Variants in SAMD5 observed in about 807,000 individuals in gnomAD.
The protein encoded by SAMD5 is sterile alpha motif domain-containing protein 5.
In SAMD5, 13 loss-of-function variants were observed where a neutral mutation model predicts 11.3. The ratio of observed to expected loss-of-function variants is 1.15; its 90% CI spans 0.75 to 1.83. The LOEUF (loss-of-function observed/expected upper bound fraction) is 1.83, where lower values mean the gene tolerates loss of function less well. SAMD5 is among the 40% of genes most tolerant of loss of function. The pLI, the probability that SAMD5 is intolerant of heterozygous loss-of-function variation, is 0.00. For synonymous variants in SAMD5, 129 were observed against 111.3 expected (o/e 1.16, Z -1.00); for missense variants, 255 against 239.1 (o/e 1.07, Z -0.44).
At chr6:147,737,017 A>C (rs1791812723) in intron 1 of SAMD5, among the ~76,000 whole-genome samples, 1 of 152,176 alleles carries the variant, frequency 6.6e-6, no homozygotes, top group African/African-American at 2.4e-5. Context: ...TCAACATTTC[A>C]GTACAAATGA....
At chr6:147,651,106 G>A (rs1033067394) in intron 1 of SAMD5, among the ~76,000 whole-genome samples, 8 of 152,116 alleles carry the variant, frequency 5.3e-5, no homozygotes, top group African/African-American at 1.7e-4. Context: ...GATATAAAAC[G>A]CCACTATTCA....
chr6:147,894,218 G>T, the SAMD5 span, among the ~76,000 whole-genome samples: 1 of 151,426 alleles, frequency 6.6e-6, no homozygotes, highest in Non-Finnish European at 1.5e-5. Flanking sequence ...CCATCCCCCA[G>T]GTTCAAGTGA....
At chr6:147,555,075 C>T (rs1562319361) in intron 1 of SAMD5, among the ~76,000 whole-genome samples, 1 of 152,154 alleles carries the variant, frequency 6.6e-6, no homozygotes, top group Non-Finnish European at 1.5e-5. Flanking sequence ...ATATACCTGC[C>T]AAAAGAAGCA....
the SAMD5 span, among the ~76,000 whole-genome samples, chr6:147,886,782 C>T: frequency 1.3e-5 from 2 of 152,264 alleles, no homozygotes; most frequent in Admixed American, 6.5e-5. Context: ...GAAAGGGTCA[C>T]ATGACAGGAA....
At chr6:147,814,268 G>A in the SAMD5 span, among the ~76,000 whole-genome samples, 15 of 152,036 alleles carry the variant, frequency 9.9e-5, no homozygotes, top group Admixed American at 9.2e-4. Context: ...GTGTGTATTT[G>A]AATGAAAAGA....
intron 1 of SAMD5, among the ~76,000 whole-genome samples, chr6:147,540,241 A>G (rs1788578755): frequency 6.6e-6 from 1 of 152,224 alleles, no homozygotes; most frequent in African/African-American, 2.4e-5. Flanking sequence ...ATCATTCCGG[A>G]AGCCAAGAAT....
At chr6:147,805,931 C>A in the SAMD5 span, among the ~76,000 whole-genome samples, 1 of 152,094 alleles carries the variant, frequency 6.6e-6, no homozygotes, top group African/African-American at 2.4e-5. Context: ...AATGAGCTTG[C>A]AATGCTGTTA....
the SAMD5 span, among the ~76,000 whole-genome samples, chr6:147,908,673 A>G: frequency 6.6e-6 from 1 of 152,100 alleles, no homozygotes; most frequent in Non-Finnish European, 1.5e-5. Flanking sequence ...ATGTGCATAC[A>G]GCTTGAGAGA....
At chr6:147,806,313 C>T in the SAMD5 span, among the ~76,000 whole-genome samples, 190 of 126,086 alleles carry the variant, frequency 1.5e-3, 1 homozygote, top group Non-Finnish European at 2.0e-3. Flanking sequence ...TGCGCGCGCG[C>T]GCGCGCACAC....
intron 1 of SAMD5, among the ~76,000 whole-genome samples, chr6:147,557,270 T>TA (rs1181809056): frequency 6.6e-6 from 1 of 152,206 alleles, no homozygotes; most frequent in Non-Finnish European, 1.5e-5. Flanking sequence ...ATGAAGGGAT[T>TA]AAAAAACATT....
intron 1 of SAMD5, among the ~76,000 whole-genome samples, chr6:147,705,393 T>A (rs1791311894): frequency 6.6e-6 from 1 of 152,206 alleles, no homozygotes; most frequent in South Asian, 2.1e-4. Context: ...TCCTAAAATT[T>A]TAAAACGAAT....
chr6:147,934,657 T>C, the SAMD5 span, among the ~76,000 whole-genome samples: 1 of 151,594 alleles, frequency 6.6e-6, no homozygotes, highest in Admixed American at 6.6e-5. Context: ...TGAGAGAGGA[T>C]TGAGAGAGAG....
the SAMD5 span, among the ~76,000 whole-genome samples, chr6:147,935,748 T>G: frequency 6.6e-6 from 1 of 152,172 alleles, no homozygotes; most frequent in Admixed American, 6.5e-5. Flanking sequence ...CCTAGATCTG[T>G]GGAACTTGCT....
Position 147,588,650 on chromosome 6 carries a change from A to C in SAMD5, c.162+79263A>C, listed in dbSNP as rs925655652. On this transcript the variant is annotated intron_variant, in intron 1 of 1. Coordinates refer to the SAMD5 transcript ENST00000566741. ...CTGTCCAGTTTCAATGAATCATTTC[A>C]GTTCCCCAAATAAAATGTGTTTTTT... Among the ~76,000 whole-genome samples the C allele has an allele frequency of 2.6e-4, 39 of 152,038 alleles. 1 individual carries two copies. The highest frequency in any genetic ancestry group is 4.6e-4 in the Admixed American group (7 of 15,276).
chr6:147,931,699 C>T, the SAMD5 span, among the ~76,000 whole-genome samples: 1 of 152,112 alleles, frequency 6.6e-6, no homozygotes, highest in Non-Finnish European at 1.5e-5. Context: ...TGCTGCAGAG[C>T]AAGGAAACAT....
the SAMD5 span, among the ~76,000 whole-genome samples, chr6:147,910,781 G>A: frequency 2.0e-5 from 3 of 152,084 alleles, no homozygotes; most frequent in South Asian, 2.1e-4. Context: ...ACAACAAATC[G>A]CATATAATTA....
At chr6:147,601,483 T>TAA (rs5880715) in intron 1 of SAMD5, among the ~76,000 whole-genome samples, 2 of 150,150 alleles carry the variant, frequency 1.3e-5, no homozygotes, top group South Asian at 4.2e-4. Flanking sequence ...ACTTGTGATT[T>TAA]AAAAAAAAAA....
At chr6:147,873,466 G>T in the SAMD5 span, among the ~76,000 whole-genome samples, 1 of 151,918 alleles carries the variant, frequency 6.6e-6, no homozygotes, top group Non-Finnish European at 1.5e-5. Flanking sequence ...ATAGTCTAGG[G>T]TTTAAAAAAA....
At chr6:147,881,607 C>T in the SAMD5 span, among the ~76,000 whole-genome samples, 1 of 152,164 alleles carries the variant, frequency 6.6e-6, no homozygotes, top group African/African-American at 2.4e-5. Context: ...AGACCGAAGC[C>T]CCCTGAGCTT....
Sources: gnomAD v4.1 joint callset for allele counts (sites outside exome capture counted in the v4.1 genomes callset) on GRCh38, gnomAD v4.1.1 for gene constraint, MANE v1.5 for transcripts, NCBI Gene and HGNC (gene_info 2026-07-23, HGNC 2026-07-21) for gene names.